The following IL21R variants were observed in gnomAD, a reference collection of about 807,000 sequenced individuals.
IL21R encodes the protein interleukin-21 receptor.
A neutral mutation model predicts 41.3 loss-of-function variants in IL21R; 14 were observed. That is an observed-to-expected ratio of 0.34 (90% CI 0.22 to 0.53). The LOEUF (loss-of-function observed/expected upper bound fraction) is 0.53. IL21R is among the 20% of genes least tolerant of loss of function. The pLI, the probability that IL21R is intolerant of heterozygous loss-of-function variation, is 0.94. For missense variants in IL21R, 588 were observed against 681.6 expected (o/e 0.86, Z 1.53); for synonymous variants, 286 against 287.6 (o/e 0.99, Z 0.05).
rs889861092 is a variant in IL21R, at chr16:27,414,999, C to T, written c.-17+12381C>T. Among the ~76,000 whole-genome samples, 4 of 152,034 alleles carry T rather than the reference C, an allele frequency of 2.6e-5. No homozygotes were observed. The East Asian group carries it at 7.7e-4, about 29-fold the overall frequency. On this transcript the variant is annotated intron_variant, in intron 1 of 8. Transcript: ENST00000337929. ...AATTCTGCTAAAATTGAAGCAGGAA[C>T]AAACATCAAATTTATGGTGCAACTA... is the stretch of plus-strand genomic sequence containing the variant.
chr16:27,431,448 G>A (rs2087169815), intron 2 of IL21R, among the ~76,000 whole-genome samples: 1 of 152,210 alleles, frequency 6.6e-6, no homozygotes, highest in African/African-American at 2.4e-5. Context: ...CTAAGAGACA[G>A]GTGCATGGCC....
At position 27,449,057 on chromosome 16, in the gene IL21R, C is replaced by T. The variant is rs746405359; in HGVS notation, c.1391C>T (p.Pro464Leu). Reference protein sequence around the residue: ...ADGEDWAGGLPWGGRSPGGVS... With the variant: ...ADGEDWAGGLLWGGRSPGGVS... ...GGGGAGGACTGGGCTGGGGGACTGC[C>T]CTGGGGTGGCCGGTCACCTGGAGGG... Residue 464 changes from proline (P) to leucine (L), a missense_variant, in exon 9 of 9, where the codon CCC (proline) becomes CTC (leucine). By Grantham distance (98) the Pro-to-Leu change is moderately conservative. Coordinates refer to ENST00000337929, the MANE Select transcript of IL21R (RefSeq NM_181078.3). 6.2e-7 allele frequency: 1 copy of T among 1,612,700 alleles called. No homozygotes were observed. Among genetic ancestry groups the T allele is most frequent in the Non-Finnish European group, 8.5e-7 (1 of 1,179,762 alleles).
chr16:27,423,000 G>C (rs1019664782), intron 1 of IL21R, among the ~76,000 whole-genome samples: 7 of 152,082 alleles, frequency 4.6e-5, no homozygotes, highest in Non-Finnish European at 8.8e-5. Flanking sequence ...TACTCACCAG[G>C]GCCCATCTTT....
chr16:27,422,374 T>C (rs1384864101), intron 1 of IL21R, among the ~76,000 whole-genome samples: 1 of 152,156 alleles, frequency 6.6e-6, no homozygotes, highest in Non-Finnish European at 1.5e-5. Flanking sequence ...TCTTCTTACT[T>C]GTTTTCTCTC....
At chr16:27,417,997 A>G (rs2086915762) in intron 1 of IL21R, among the ~76,000 whole-genome samples, 1 of 127,590 alleles carries the variant, frequency 7.8e-6, no homozygotes, top group African/African-American at 2.7e-5. Context: ...TTACTGTAAC[A>G]TTTTTCCTAT....
At chr16:27,417,221 G>C (rs2086904627) in intron 1 of IL21R, among the ~76,000 whole-genome samples, 1 of 146,378 alleles carries the variant, frequency 6.8e-6, no homozygotes, top group African/African-American at 2.5e-5. Context: ...GACTGCAATG[G>C]TGTGAAAACA....
At chr16:27,423,589 G>GT (rs1449598377) in intron 1 of IL21R, among the ~76,000 whole-genome samples, 1 of 152,062 alleles carries the variant, frequency 6.6e-6, no homozygotes, top group Non-Finnish European at 1.5e-5. Flanking sequence ...ATTTTGTATG[G>GT]TTTTCAGTGT....
intron 1 of IL21R, among the ~76,000 whole-genome samples, chr16:27,405,481 A>T (rs1307738262): frequency 6.6e-6 from 1 of 152,242 alleles, no homozygotes; most frequent in African/African-American, 2.4e-5. Flanking sequence ...CCTTTTACAG[A>T]TGGGGAAACT....
intron 2 of IL21R, among the ~76,000 whole-genome samples, chr16:27,432,174 C>T (rs1400944913): frequency 1.3e-5 from 2 of 152,236 alleles, no homozygotes; most frequent in Non-Finnish European, 2.9e-5. Flanking sequence ...AGACGTCAAA[C>T]CGTAGCACGG....
At chr16:27,425,651 G>A (rs1408292040) in intron 1 of IL21R, among the ~76,000 whole-genome samples, 1 of 151,992 alleles carries the variant, frequency 6.6e-6, no homozygotes, top group East Asian at 1.9e-4. Context: ...CTCTTCCTGG[G>A]TTCAAGCAAT....
chr16:27,437,790 G>A, intron 4 of IL21R, 103 bp downstream of exon 4: 1 of 894,454 alleles, frequency 1.1e-6, no homozygotes, highest in Non-Finnish European at 1.8e-6. Flanking sequence ...AGCCTCCCGT[G>A]TAGCTGGGAC....
chr16:27,410,332 CA>C (rs55702735), intron 1 of IL21R, among the ~76,000 whole-genome samples: 1,110 of 103,384 alleles, frequency 0.011, 10 homozygotes, highest in Admixed American at 0.04. Context: ...GACTCCATCT[CA>C]AAAAAAAAAA....
At chr16:27,402,761 G>A (rs1340512568) in intron 1 of IL21R, 143 bp downstream of exon 1, 2 of 224,422 alleles carry the variant, frequency 8.9e-6, no homozygotes, top group Admixed American at 1.0e-4. Flanking sequence ...CTGAGGCAAA[G>A]AAGATTCATG....
chr16:27,432,293 T>C (rs2087187891), intron 2 of IL21R, among the ~76,000 whole-genome samples: 1 of 152,202 alleles, frequency 6.6e-6, no homozygotes, highest in South Asian at 2.1e-4. Flanking sequence ...GGGCAAGCAG[T>C]GTCTCCGGCT....
At chr16:27,418,535 A>AT (rs888050288) in intron 1 of IL21R, among the ~76,000 whole-genome samples, 14 of 151,394 alleles carry the variant, frequency 9.2e-5, no homozygotes, top group East Asian at 2.0e-4. Context: ...CGCTCGGCTA[A>AT]TTTTTTTGGT....
intron 1 of IL21R, among the ~76,000 whole-genome samples, chr16:27,411,235 C>T (rs562184962): frequency 7.4e-4 from 112 of 152,000 alleles, no homozygotes; most frequent in Non-Finnish European, 1.4e-3. Context: ...ATTTTACAAT[C>T]CCACTAAAAG....
intron 1 of IL21R, among the ~76,000 whole-genome samples, chr16:27,413,115 G>A (rs2086845242): frequency 6.6e-6 from 1 of 151,994 alleles, no homozygotes; most frequent in Non-Finnish European, 1.5e-5. Context: ...TATAAACTTT[G>A]TTATGTTGAG....
intron 4 of IL21R, among the ~76,000 whole-genome samples, chr16:27,441,078 A>T (rs1197493012): frequency 5.3e-5 from 8 of 151,210 alleles, no homozygotes; most frequent in African/African-American, 1.9e-4. Flanking sequence ...AAAGAAGAGA[A>T]AAAAGAAAGG....
chr16:27,416,864 G>A (rs2086899093), intron 1 of IL21R, among the ~76,000 whole-genome samples: 1 of 152,112 alleles, frequency 6.6e-6, no homozygotes, highest in African/African-American at 2.4e-5. Context: ...TACATATGGA[G>A]TCATACAATA....
Sources: gnomAD v4.1 joint callset for allele counts (sites outside exome capture counted in the v4.1 genomes callset) on GRCh38, gnomAD v4.1.1 for gene constraint, MANE v1.5 for transcripts, NCBI Gene and HGNC (gene_info 2026-07-23, HGNC 2026-07-21) for gene names.